ARSB: variants seen among roughly 807,000 people sequenced by gnomAD.
ARSB encodes the protein arylsulfatase B, also known as N-acetylgalactosamine-4-sulfatase.
ARSB carries 41 observed loss-of-function variants against 50.9 expected under a neutral mutation model. The observed-to-expected ratio is 0.81, with a 90% CI of 0.63 to 1.04. ARSB has a LOEUF of 1.04. Among genes scored for constraint, ARSB ranks in the 50% least tolerant of loss-of-function variants. The pLI, the probability that ARSB is intolerant of heterozygous loss-of-function variation, is 0.00. For synonymous variants in ARSB, 269 were observed against 284.8 expected (o/e 0.94, Z 0.56); for missense variants, 672 against 693.3 (o/e 0.97, Z 0.35).
At chr5:78,855,149 A>T (rs532089049) in intron 5 of ARSB, among the ~76,000 whole-genome samples, 1 of 152,294 alleles carries the variant, frequency 6.6e-6, no homozygotes, top group Non-Finnish European at 1.5e-5. Context: ...TTTCCCTGGG[A>T]CACAGGATAC....
intron 3 of ARSB, among the ~76,000 whole-genome samples, chr5:78,959,511 T>TA (rs1203978641): frequency 1.3e-5 from 2 of 151,964 alleles, no homozygotes; most frequent in Non-Finnish European, 2.9e-5. Flanking sequence ...AGGCCATCCT[T>TA]AAACTCTGTA....
chr5:78,818,650 C>T (rs1193061257), intron 6 of ARSB, among the ~76,000 whole-genome samples: 2 of 129,916 alleles, frequency 1.5e-5, no homozygotes, highest in African/African-American at 3.1e-5. Flanking sequence ...CTCGCTCTGT[C>T]GCCCAGGCTG....
In ARSB at chr5:78,940,400, G is replaced by C. The variant is rs1351941711; in HGVS notation, c.898+14895C>G. On this transcript the variant is annotated intron_variant, in intron 4 of 7. Transcript: ENST00000264914. The stretch of plus-strand genomic sequence containing the variant: ...GTATTGCCTACGTTTTTTTCTTCTA[G>C]GGTTCTTATGGTTTTAGGTCTAACA... 5.3e-5 allele frequency among the ~76,000 whole-genome samples: 8 copies of C among 152,202 alleles called. No individual in the cohort carries two copies. In the East Asian group the frequency reaches 1.5e-3, roughly 29 times the overall value.
chr5:78,960,804 C>A (rs1751947992), intron 3 of ARSB, among the ~76,000 whole-genome samples: 1 of 152,148 alleles, frequency 6.6e-6, no homozygotes, highest in African/African-American at 2.4e-5. Flanking sequence ...ACCTCACAAT[C>A]CACCCGCCTC....
intron 4 of ARSB, among the ~76,000 whole-genome samples, chr5:78,940,935 T>G (rs1369970341): frequency 6.6e-6 from 1 of 152,170 alleles, no homozygotes; most frequent in African/African-American, 2.4e-5. Context: ...GTTCTTCCAT[T>G]TGTTGGTATC....
At chr5:78,852,489 A>AT (rs1488821115) in intron 5 of ARSB, among the ~76,000 whole-genome samples, 1 of 151,732 alleles carries the variant, frequency 6.6e-6, no homozygotes, top group African/African-American at 2.4e-5. Context: ...TGCCCTTAAC[A>AT]TTTTTTCCTT....
intron 5 of ARSB, chr5:78,884,904 A>G (rs1410862568): frequency 3.9e-5 from 6 of 152,204 alleles, no homozygotes; most frequent in African/African-American, 1.4e-4. Context: ...GACCATCACG[A>G]TTTCCAAATC....
upstream of ARSB, chr5:78,985,441 A>C (rs995808515): frequency 4.4e-5 from 19 of 432,836 alleles, no homozygotes; most frequent in South Asian, 1.2e-4. Context: ...GTGGCGGAGG[A>C]GGAGCCAGAG....
At chr5:78,949,068 C>T (rs1751380440) in intron 4 of ARSB, among the ~76,000 whole-genome samples, 1 of 152,168 alleles carries the variant, frequency 6.6e-6, no homozygotes, top group African/African-American at 2.4e-5. Flanking sequence ...GCAGCCATCA[C>T]CTTGAAAATT....
intron 5 of ARSB, among the ~76,000 whole-genome samples, chr5:78,866,784 G>A (rs1462827867): frequency 6.6e-6 from 1 of 152,194 alleles, no homozygotes; most frequent in Non-Finnish European, 1.5e-5. Flanking sequence ...AGAGAATCAT[G>A]AGAAGGCAGA....
At chr5:78,978,665 G>A (rs336523) in intron 1 of ARSB, among the ~76,000 whole-genome samples, 149,062 of 152,330 alleles carry the variant, frequency 0.98, 72,987 homozygotes, top group Non-Finnish European at 1. Context: ...GGATAGGCAT[G>A]TAGATCAATG....
intron 6 of ARSB, chr5:78,816,027 G>T: frequency 1.3e-6 from 2 of 1,516,304 alleles, no homozygotes. Flanking sequence ...TCAGAACCTT[G>T]GGTCTGAAGT....
At chr5:78,978,815 G>C (rs1156764135) in intron 1 of ARSB, among the ~76,000 whole-genome samples, 1 of 152,094 alleles carries the variant, frequency 6.6e-6, no homozygotes, top group African/African-American at 2.4e-5. Context: ...ACCTCAAATT[G>C]TACATAAAAA....
At chr5:78,781,563 T>C (rs1748927515) in intron 7 of ARSB, among the ~76,000 whole-genome samples, 1 of 152,144 alleles carries the variant, frequency 6.6e-6, no homozygotes, top group Non-Finnish European at 1.5e-5. Flanking sequence ...AATAGTTGTC[T>C]TTCTAGGACA....
At chr5:78,925,610 G>A (rs1397761870) in intron 4 of ARSB, among the ~76,000 whole-genome samples, 1 of 152,172 alleles carries the variant, frequency 6.6e-6, no homozygotes, top group Non-Finnish European at 1.5e-5. Context: ...AAAAAGGAAT[G>A]CCCCTAAAAA....
chr5:78,841,289 C>A (rs1490443338), intron 5 of ARSB, among the ~76,000 whole-genome samples: 1 of 152,030 alleles, frequency 6.6e-6, no homozygotes, highest in Non-Finnish European at 1.5e-5. Context: ...ATGATCACAC[C>A]ACTGCACTCC....
chr5:78,782,275 A>G (rs927214572), intron 6 of ARSB, among the ~76,000 whole-genome samples: 1 of 152,230 alleles, frequency 6.6e-6, no homozygotes, highest in Non-Finnish European at 1.5e-5. Context: ...GTGTTCTGTT[A>G]CAGCAGAGTG....
intron 6 of ARSB, among the ~76,000 whole-genome samples, chr5:78,824,980 G>C (rs554248912): frequency 6.6e-6 from 1 of 152,278 alleles, no homozygotes; most frequent in East Asian, 1.9e-4. Flanking sequence ...GTTTCTAGAA[G>C]TAAAACAGCC....
At chr5:78,912,833 T>G (rs960185727) in intron 4 of ARSB, among the ~76,000 whole-genome samples, 3 of 152,254 alleles carry the variant, frequency 2.0e-5, no homozygotes, top group Non-Finnish European at 4.4e-5. Flanking sequence ...TTTCCATGTC[T>G]TGATAAAAAC....
Sources: allele counts gnomAD v4.1 joint callset (sites outside exome capture counted in the v4.1 genomes callset), GRCh38; gene constraint gnomAD v4.1.1; transcripts MANE v1.5; gene names NCBI Gene and HGNC (gene_info 2026-07-23, HGNC 2026-07-21).